The following HORMAD2 variants were observed in gnomAD, a reference collection of about 807,000 sequenced individuals.
The protein encoded by HORMAD2 is HORMA domain containing 2, also known as HORMA domain-containing protein 2.
HORMAD2 carries 45 observed loss-of-function variants against 38.8 expected under a neutral mutation model. The ratio of observed to expected loss-of-function variants is 1.16; its 90% CI spans 0.91 to 1.49. The LOEUF (loss-of-function observed/expected upper bound fraction) is 1.49, where lower values mean the gene tolerates loss of function less well. Among genes scored for constraint, HORMAD2 ranks in the 40% most tolerant of loss-of-function variants. HORMAD2 has a pLI of 0.00. For missense variants in HORMAD2, 338 were observed against 367.0 expected, an observed-to-expected ratio of 0.92 and a Z score of 0.65; for synonymous variants, 126 against 122.8, an observed-to-expected ratio of 1.03 and a Z score of -0.17.
chr22:30,183,358 C>T, the HORMAD2 span, among the ~76,000 whole-genome samples: 1 of 152,202 alleles, frequency 6.6e-6, no homozygotes, highest in South Asian at 2.1e-4. Flanking sequence ...GCCGCCAGCC[C>T]ACCCTCCCCA....
chr22:30,079,660 G>T (rs1277197681), upstream of HORMAD2, among the ~76,000 whole-genome samples: 1 of 150,632 alleles, frequency 6.6e-6, no homozygotes, highest in Non-Finnish European at 1.5e-5. Flanking sequence ...CGCACGTCAG[G>T]TGGCCCAGCT....
intron 10 of HORMAD2, among the ~76,000 whole-genome samples, 168 bp from the exon 11 acceptor site, chr22:30,175,895 A>G (rs1410982802): frequency 7.9e-5 from 12 of 152,176 alleles, no homozygotes; most frequent in Admixed American, 7.9e-4. Context: ...CCAGACTCTG[A>G]TACTGGCAGC....
the HORMAD2 span, among the ~76,000 whole-genome samples, chr22:30,196,138 A>G: frequency 6.6e-6 from 1 of 152,228 alleles, no homozygotes; most frequent in Non-Finnish European, 1.5e-5. Flanking sequence ...ATCCAAAGGC[A>G]CTTCAACTTG....
intron 5 of HORMAD2, among the ~76,000 whole-genome samples, chr22:30,111,305 G>A (rs2146108427): frequency 6.6e-6 from 1 of 152,022 alleles, no homozygotes; most frequent in South Asian, 2.1e-4. Context: ...AGCCAACATG[G>A]CAAAACCCCA....
intron 5 of HORMAD2, among the ~76,000 whole-genome samples, chr22:30,108,589 C>T (rs926802271): frequency 3.9e-5 from 6 of 152,138 alleles, no homozygotes; most frequent in African/African-American, 1.2e-4. Context: ...TGACACCCTC[C>T]TCCCTAGCCT....
chr22:30,138,502 T>G (rs1203942953), intron 10 of HORMAD2, among the ~76,000 whole-genome samples: 1 of 152,114 alleles, frequency 6.6e-6, no homozygotes, highest in African/African-American at 2.4e-5. Flanking sequence ...CATTTGTCCT[T>G]TTATTACTGA....
intron 1 of HORMAD2, among the ~76,000 whole-genome samples, chr22:30,088,750 T>A (rs937608804): frequency 2.0e-5 from 3 of 151,756 alleles, no homozygotes; most frequent in African/African-American, 7.2e-5. Context: ...ATTAGTATTC[T>A]ATACTAATAT....
At chr22:30,130,692 G>A (rs1923219967) in intron 10 of HORMAD2, among the ~76,000 whole-genome samples, 1 of 146,658 alleles carries the variant, frequency 6.8e-6, no homozygotes, top group South Asian at 2.2e-4. Flanking sequence ...CTGGGATCAA[G>A]CCATTCTTCT....
intron 10 of HORMAD2, among the ~76,000 whole-genome samples, chr22:30,132,959 A>G (rs1037757373): frequency 6.6e-6 from 1 of 152,236 alleles, no homozygotes; most frequent in Non-Finnish European, 1.5e-5. Context: ...AATAAGCCCT[A>G]GCATTAAAAT....
At chr22:30,150,861 C>T (rs1309419432) in intron 10 of HORMAD2, among the ~76,000 whole-genome samples, 1 of 152,106 alleles carries the variant, frequency 6.6e-6, no homozygotes, top group African/African-American at 2.4e-5. Context: ...CTTTGTATTC[C>T]ATTATCCAAA....
At chr22:30,123,581 C>T (rs951713000) in intron 10 of HORMAD2, among the ~76,000 whole-genome samples, 8 of 151,754 alleles carry the variant, frequency 5.3e-5, no homozygotes, top group African/African-American at 1.7e-4. Context: ...GCAATCCTTT[C>T]ACTTTGACCT....
intron 10 of HORMAD2, chr22:30,137,427 C>T: frequency 1.0e-5 from 4 of 393,052 alleles, no homozygotes; most frequent in South Asian, 4.3e-5. Flanking sequence ...GTCAAGGCTG[C>T]AGTGAGCTGT....
In HORMAD2 at chr22:30,092,836, C is replaced by G. The variant is rs1308653950; in HGVS notation, c.-37-1080C>G. On this transcript the variant is annotated intron_variant, in intron 1 of 10. Transcript: ENST00000336726. ...TATTTCTGGGTTCTCTATTCTGTTC[C>G]ATTGGTCTATGTATCTCTTTTTATA... is the stretch of plus-strand genomic sequence containing the variant. 2.0e-5 allele frequency among the ~76,000 whole-genome samples: 3 copies of G among 152,152 alleles called. No individual in the cohort carries two copies. In the East Asian group the frequency reaches 5.8e-4, roughly 29 times the overall value.
At chr22:30,094,063 G>T (rs1241667696) in intron 2 of HORMAD2, 60 bp downstream of exon 2, 10 of 1,203,592 alleles carry the variant, frequency 8.3e-6, no homozygotes, top group Middle Eastern at 2.1e-4. Context: ...TCAGAATTAT[G>T]ATTTTAATCT....
the HORMAD2 span, among the ~76,000 whole-genome samples, chr22:30,190,916 C>G: frequency 6.6e-6 from 1 of 152,136 alleles, no homozygotes; most frequent in Non-Finnish European, 1.5e-5. Flanking sequence ...ACTGAAAACC[C>G]ACATGTTGTA....
At chr22:30,193,110 C>T in the HORMAD2 span, among the ~76,000 whole-genome samples, 2 of 152,128 alleles carry the variant, frequency 1.3e-5, no homozygotes, top group African/African-American at 4.8e-5. Flanking sequence ...ATGCAAAATA[C>T]TGTATCTAGG....
chr22:30,093,089 A>G (rs1336230146), intron 1 of HORMAD2, among the ~76,000 whole-genome samples: 23 of 152,114 alleles, frequency 1.5e-4, no homozygotes, highest in Non-Finnish European at 7.4e-5. Flanking sequence ...AATTAATATG[A>G]TCATTTTAGC....
chr22:30,127,366 A>G (rs927268083), intron 10 of HORMAD2, among the ~76,000 whole-genome samples: 37 of 151,684 alleles, frequency 2.4e-4, no homozygotes, highest in Middle Eastern at 3.4e-3. Flanking sequence ...GTGCCACCAC[A>G]CCCACCTAGT....
chr22:30,174,625 C>T (rs1569122704), intron 10 of HORMAD2, among the ~76,000 whole-genome samples: 2 of 152,264 alleles, frequency 1.3e-5, no homozygotes, highest in South Asian at 4.1e-4. Context: ...ATTAAACCAT[C>T]AGGTCAACTG....
Sources: gnomAD v4.1 joint callset for allele counts (sites outside exome capture counted in the v4.1 genomes callset) on GRCh38, gnomAD v4.1.1 for gene constraint, MANE v1.5 for transcripts, NCBI Gene and HGNC (gene_info 2026-07-23, HGNC 2026-07-21) for gene names.